The following SLIT1 variants were observed in gnomAD, a reference collection of about 807,000 sequenced individuals.
SLIT1 encodes slit guidance ligand 1.
SLIT1 carries 66 observed loss-of-function variants against 186.1 expected under a neutral mutation model. That is an observed-to-expected ratio of 0.35 (90% CI 0.29 to 0.44). The LOEUF is 0.44. Among genes scored for constraint, SLIT1 ranks in the 20% least tolerant of loss-of-function variants. The pLI is 1.00. For missense variants in SLIT1, 1,638 were observed against 2,037.4 expected (o/e 0.80, Z 3.77); for synonymous variants, 761 against 833.8 (o/e 0.91, Z 1.50).
intron 31 of SLIT1, among the ~76,000 whole-genome samples, chr10:97,008,186 A>G (rs1211189748): frequency 6.6e-6 from 1 of 152,266 alleles, no homozygotes; most frequent in East Asian, 1.9e-4. Context: ...AAGATTGTAG[A>G]ATACCAGATT....
chr10:97,185,381 G>T, intron 1 of SLIT1, 97 bp downstream of exon 1: 1 of 1,229,990 alleles, frequency 8.1e-7, no homozygotes, highest in Non-Finnish European at 1.1e-6. Context: ...GCCCGGACGG[G>T]CCCCAATGGT....
intron 4 of SLIT1, among the ~76,000 whole-genome samples, chr10:97,104,510 C>G (rs1246602651): frequency 2.0e-5 from 3 of 152,066 alleles, no homozygotes; most frequent in Admixed American, 6.5e-5. Context: ...CAGTTTCTAT[C>G]CGGTCACTCC....
rs766961423 is a variant in SLIT1, at chr10:97,006,657, C to T, written c.3405G>A (p.Glu1135=). The change falls in exon 32 of 37, where the codon GAG becomes GAA. Residue 1135 remains glutamate, a synonymous_variant. Coordinates refer to ENST00000266058, the MANE Select transcript of SLIT1 (RefSeq NM_003061.3). The surrounding 1 kb of genome is among the most constrained non-coding windows in gnomAD (Gnocchi z 4.0). ...CCACACAGTTGGCCCCATTCTGGCA[C>T]TCAGTCCCCTCACAGGGGCTCTTGG... ...PAPKSPCEGT[E]CQNGANCVDQ... The T allele has an allele frequency of 1.9e-6, 3 of 1,614,174 alleles. No homozygotes were observed. Among genetic ancestry groups the T allele is most frequent in the African/African-American group, 1.3e-5 (1 of 75,060 alleles).
At chr10:97,041,094 T>C (rs953487263) in intron 20 of SLIT1, among the ~76,000 whole-genome samples, 4 of 152,206 alleles carry the variant, frequency 2.6e-5, no homozygotes, top group Admixed American at 6.5e-5. Context: ...ACCTGCTCGA[T>C]TGGCCACCAG....
At chr10:97,131,669 C>T (rs537792921) in intron 4 of SLIT1, among the ~76,000 whole-genome samples, 1 of 152,354 alleles carries the variant, frequency 6.6e-6, no homozygotes, top group South Asian at 2.1e-4. Flanking sequence ...CACAGAACTT[C>T]CTGAAGGTCT....
chr10:97,085,811 G>A (rs1235564574), intron 4 of SLIT1, among the ~76,000 whole-genome samples: 1 of 152,234 alleles, frequency 6.6e-6, no homozygotes, highest in Admixed American at 6.5e-5. Flanking sequence ...GCCTAGCATG[G>A]AGGTGGGATG....
chr10:97,127,242 C>T (rs1010194427), intron 4 of SLIT1, among the ~76,000 whole-genome samples: 2 of 151,660 alleles, frequency 1.3e-5, no homozygotes, highest in African/African-American at 2.4e-5. Flanking sequence ...GCCGAGATCA[C>T]GCCATTGCAC....
Position 97,150,754 on chromosome 10 carries a change from C to T in SLIT1, c.413+7064G>A, listed in dbSNP as rs111971727. 9.1e-4 allele frequency among the ~76,000 whole-genome samples: 138 copies of T among 152,286 alleles called. 2 individuals are homozygous for T. Among genetic ancestry groups the T allele is most frequent in the African/African-American group, 3.1e-3 (128 of 41,550 alleles). On this transcript the variant is annotated intron_variant, in intron 4 of 36. Coordinates refer to ENST00000266058, the MANE Select transcript of SLIT1 (RefSeq NM_003061.3). ...AGCTGCACGGCAGCAGAGATCCTCC[C>T]CAGATTGGAGGCCAAGGAGGCGGCA...
Position 97,014,154 on chromosome 10 carries a change from A to G in SLIT1, c.2974T>C (p.Ser992Pro). The change falls in exon 29 of 37, where the codon TCC becomes CCC. Residue 992 changes from serine to proline, a missense_variant. This residue lies in a region of SLIT1 where 1,245 missense variants were observed against 1,535.3 expected (regional missense o/e 0.81). Coordinates refer to ENST00000266058, the MANE Select transcript of SLIT1 (RefSeq NM_003061.3). Reference sequence around the variant, plus strand: ...GGTCCTTCAAAGCCGGTGGGACAGGAGCACCTGTGCGGGGAAGGGGAGGAT... The same window carrying G: ...GGTCCTTCAAAGCCGGTGGGACAGGGGCACCTGTGCGGGGAAGGGGAGGAT... ...QEGEDAPFTC[S>P]CPTGFEGPTC... 6.2e-7 allele frequency: 1 copy of G among 1,613,534 alleles called. No homozygotes were observed. Among genetic ancestry groups the G allele is most frequent in the Non-Finnish European group, 8.5e-7 (1 of 1,180,014 alleles).
rs1336599842 is a variant in SLIT1, at chr10:97,044,618, TA to T, written c.1854-1106del. On this transcript the variant is annotated intron_variant, in intron 18 of 36. Coordinates refer to ENST00000266058, the MANE Select transcript of SLIT1 (RefSeq NM_003061.3). The stretch of plus-strand genomic sequence containing the variant: ...AATTAAAAAAGAATGAAAAATATAA[TA>T]ATAATAATAATGACATCCAGGATCT... Among the ~76,000 whole-genome samples the T allele has an allele frequency of 4.6e-5, 7 of 152,056 alleles. No individual in the cohort carries two copies. The East Asian group carries it at 1.4e-3, about 30-fold the overall frequency.
chr10:97,175,465 G>A (rs971253191), intron 1 of SLIT1, among the ~76,000 whole-genome samples: 14 of 152,082 alleles, frequency 9.2e-5, no homozygotes, highest in African/African-American at 2.7e-4. Context: ...TTGAGGAACC[G>A]CCATACTGTT....
At chr10:97,118,926 T>G (rs1417658277) in intron 4 of SLIT1, among the ~76,000 whole-genome samples, 1 of 152,178 alleles carries the variant, frequency 6.6e-6, no homozygotes, top group Non-Finnish European at 1.5e-5. Context: ...TACACACACA[T>G]GCACAACATA....
chr10:97,137,827 C>T (rs1247949382), intron 4 of SLIT1, among the ~76,000 whole-genome samples: 1 of 152,158 alleles, frequency 6.6e-6, no homozygotes, highest in Non-Finnish European at 1.5e-5. Context: ...TGATGGTTTA[C>T]CACATGTTGG....
At chr10:97,084,590 T>C (rs2134657345) in intron 4 of SLIT1, among the ~76,000 whole-genome samples, 1 of 101,268 alleles carries the variant, frequency 9.9e-6, no homozygotes, top group South Asian at 4.1e-4. Context: ...TTTTATTTTC[T>C]TTTCTTCTCT....
Position 97,043,246 on chromosome 10 carries a change from C to A in SLIT1, c.1997+124G>T. The A allele has an allele frequency of 1.4e-6, 2 of 1,383,826 alleles. No individual in the cohort carries two copies. The highest frequency in any genetic ancestry group is 2.0e-6 in the Non-Finnish European group (2 of 995,560). 85.7% of individuals were successfully genotyped at this position (1,383,826 alleles called of 1,614,324 possible). The stretch of plus-strand genomic sequence containing the variant: ...GGAGGGAGACTTCGAAATGTGGAAC[C>A]CACGTTTCAGCAAACCACGAAGACC... On this transcript the variant is annotated intron_variant, in intron 19 of 36. Coordinates refer to ENST00000266058, the MANE Select transcript of SLIT1 (RefSeq NM_003061.3). This position sits in a 1 kb window ranked among gnomAD's most constrained non-coding sequence, Gnocchi z 7.0.
Position 97,011,026 on chromosome 10 carries a change from T to C in SLIT1, c.3308A>G (p.Asn1103Ser), listed in dbSNP as rs140121402. 166 of 1,613,994 alleles carry C rather than the reference T, an allele frequency of 1.0e-4. No individual in the cohort carries two copies. The highest frequency in any genetic ancestry group is 1.3e-4 in the Non-Finnish European group (159 of 1,179,982). Residue 1103 changes from asparagine (N) to serine (S), a missense_variant, in exon 31 of 37, where the codon AAC becomes AGC. Around this residue, in one of 3 missense-constraint regions of SLIT1, gnomAD observed 1,245 missense variants for 1,535.3 expected, o/e 0.81. Coordinates refer to ENST00000266058, the MANE Select transcript of SLIT1 (RefSeq NM_003061.3). ...CTCAGCACAGAGGCAGGAGTAGCTG[T>C]TGACTTCATCCATACACTGGGCCCC... ...QNGAQCMDEV[N>S]SYSCLCAEGY...
In SLIT1 at chr10:97,017,339, C is replaced by A. The variant is rs528807259; in HGVS notation, c.2969+1247G>T. Among the ~76,000 whole-genome samples the A allele has an allele frequency of 4.6e-5, 7 of 152,356 alleles. No individual in the cohort carries two copies. In the South Asian group the frequency reaches 1.4e-3, roughly 32 times the overall value. On this transcript the variant is annotated intron_variant, in intron 28 of 36. Transcript: ENST00000266058. ...GGTAATTTGGGTATGCAGAGGCAGG[C>A]TCAGCCATTTCTGCCCCCAGATTCA...
rs1848506059 is a variant in SLIT1, at chr10:97,021,978, T to C, written c.2583-565A>G. ...GCTCAAAAAGGCTGAGGAATTTGCC[T>C]AAGATCACACAGAGAAACGGGAAGC... On this transcript the variant is annotated intron_variant, in intron 25 of 36. Transcript: ENST00000266058. This position sits in a 1 kb window ranked among gnomAD's most constrained non-coding sequence, Gnocchi z 4.5. Among the ~76,000 whole-genome samples the C allele has an allele frequency of 6.6e-6, 1 of 152,220 alleles. No individual in the cohort carries two copies. Among genetic ancestry groups the C allele is most frequent in the Non-Finnish European group, 1.5e-5 (1 of 68,036 alleles).
At position 97,063,492 on chromosome 10, in the gene SLIT1, A is replaced by T. The variant is rs763020768; in HGVS notation, c.756T>A (p.Asn252Lys). ...ACTCACTCTTCTGGACCTCTGCCAC[A>T]TTGAGGCCACGCAGGCTGGCTGGGC... ...CSGPASLRGL[N>K]VAEVQKSEFS... Residue 252 changes from asparagine to lysine, a missense_variant, in exon 8 of 37, where the codon AAT becomes AAA. Physicochemically the swap from Asn to Lys is moderately conservative, Grantham distance 94. Coordinates refer to ENST00000266058, the MANE Select transcript of SLIT1 (RefSeq NM_003061.3). 1 of 1,613,126 alleles carries T rather than the reference A, an allele frequency of 6.2e-7. No homozygotes were observed. Among genetic ancestry groups the T allele is most frequent in the Admixed American group, 1.7e-5 (1 of 60,018 alleles).
Sources: gnomAD v4.1 joint callset for allele counts (sites outside exome capture counted in the v4.1 genomes callset) on GRCh38, gnomAD v4.1.1 for gene constraint, gnomAD v4.1.1 regional missense constraint, Gnocchi (gnomAD v3.1) non-coding constraint, MANE v1.5 for transcripts, NCBI Gene and HGNC (gene_info 2026-07-23, HGNC 2026-07-21) for gene names.